Variants in PPTC7 observed in about 807,000 individuals in gnomAD.
PPTC7 encodes the protein protein phosphatase PTC7 homolog.
PPTC7 carries 6 observed loss-of-function variants against 30.8 expected under a neutral mutation model. The ratio of observed to expected loss-of-function variants is 0.19; its 90% CI spans 0.11 to 0.38. The LOEUF (loss-of-function observed/expected upper bound fraction) is 0.38, where lower values mean the gene tolerates loss of function less well. PPTC7 is among the 10% of genes least tolerant of loss of function. The probability of loss-of-function intolerance (pLI) is 1.00; values close to 1 mark genes in which losing one functional copy is unlikely to be tolerated. For missense variants in PPTC7, 218 were observed against 404.8 expected, an observed-to-expected ratio of 0.54 and a Z score of 3.96; for synonymous variants, 163 against 168.1, an observed-to-expected ratio of 0.97 and a Z score of 0.23.
intron 1 of PPTC7, among the ~76,000 whole-genome samples, chr12:110,559,191 T>C (rs2064416202): frequency 6.6e-6 from 1 of 151,864 alleles, no homozygotes; most frequent in African/African-American, 2.4e-5. Context: ...ACACAACTCA[T>C]TTTTTTAAAA....
chr12:110,556,971 G>A (rs544840750), intron 1 of PPTC7, among the ~76,000 whole-genome samples: 1 of 152,266 alleles, frequency 6.6e-6, no homozygotes, highest in South Asian at 2.1e-4. Flanking sequence ...TTCCACGGCA[G>A]GGAAGGATAA....
chr12:110,541,473 C>T (rs539666126), intron 3 of PPTC7, among the ~76,000 whole-genome samples: 4 of 151,974 alleles, frequency 2.6e-5, no homozygotes, highest in African/African-American at 9.7e-5. Context: ...TTTGGGAGGC[C>T]AAGGCGGGCG....
At chr12:110,545,816 G>A in intron 3 of PPTC7, 64 bp downstream of exon 3, 1 of 1,440,260 alleles carries the variant, frequency 6.9e-7, no homozygotes, top group South Asian at 1.1e-5. Context: ...ACTCAAGGGG[G>A]ACAGGAGGGG....
At chr12:110,565,474 T>C (rs1316265971) in intron 1 of PPTC7, among the ~76,000 whole-genome samples, 1 of 152,054 alleles carries the variant, frequency 6.6e-6, no homozygotes, top group Admixed American at 6.6e-5. Context: ...CAGGCTGGTC[T>C]TGAACTCCTG....
intron 1 of PPTC7, among the ~76,000 whole-genome samples, chr12:110,555,229 A>T (rs1351996052): frequency 6.6e-6 from 1 of 152,250 alleles, no homozygotes; most frequent in African/African-American, 2.4e-5. Flanking sequence ...AGAAGGCAAC[A>T]AATAGTGTAT....
intron 4 of PPTC7, among the ~76,000 whole-genome samples, chr12:110,538,869 A>G (rs879021042): frequency 6.6e-6 from 1 of 152,154 alleles, no homozygotes; most frequent in Non-Finnish European, 1.5e-5. Flanking sequence ...CAATCTATCT[A>G]AAGTAGTAGC....
chr12:110,568,092 C>T (rs2064500338), intron 1 of PPTC7, among the ~76,000 whole-genome samples: 1 of 151,796 alleles, frequency 6.6e-6, no homozygotes, highest in Admixed American at 6.6e-5. Flanking sequence ...AACACTGACC[C>T]CTATGCCGAC....
chr12:110,541,047 T>A (rs2064255317), intron 3 of PPTC7, among the ~76,000 whole-genome samples: 1 of 150,950 alleles, frequency 6.6e-6, no homozygotes, highest in Non-Finnish European at 1.5e-5. Flanking sequence ...AGTGCTGGGA[T>A]AACAGGCGTG....
intron 1 of PPTC7, among the ~76,000 whole-genome samples, chr12:110,566,933 G>A (rs2064489029): frequency 6.6e-6 from 1 of 152,156 alleles, no homozygotes. Flanking sequence ...TCCCCAGAAG[G>A]ACTCTGAAGT....
chr12:110,572,588 G>A (rs990670232), intron 1 of PPTC7, among the ~76,000 whole-genome samples: 9 of 152,086 alleles, frequency 5.9e-5, no homozygotes, highest in African/African-American at 2.2e-4. Flanking sequence ...AATAGTACTG[G>A]GCCCTTCAGC....
At chr12:110,552,938 T>A (rs912988648) in intron 1 of PPTC7, among the ~76,000 whole-genome samples, 1 of 151,350 alleles carries the variant, frequency 6.6e-6, no homozygotes, top group African/African-American at 2.4e-5. Context: ...TAAAATCTCT[T>A]TGGGAGGCTG....
rs531400185 is a variant in PPTC7, at chr12:110,551,862, G to A, written c.330C>T (p.Phe110=). 1.1e-5 allele frequency: 18 copies of A among 1,614,134 alleles called. No homozygotes were observed. Among genetic ancestry groups the A allele is most frequent in the African/African-American group, 6.7e-5 (5 of 75,046 alleles). ...GAATTCCAATGGGATTACTAGGTACGAACCGTCCTTCTTTTACTAAACGTT... is the reference window on the plus strand; with the variant it reads ...GAATTCCAATGGGATTACTAGGTACAAACCGTCCTTCTTTTACTAAACGTT... ...TCERLVKEGR[F]VPSNPIGILT... The change falls in exon 2 of 6, where the codon TTC becomes TTT. Residue 110 remains phenylalanine, a synonymous_variant. Coordinates refer to ENST00000354300, the MANE Select transcript of PPTC7 (RefSeq NM_139283.2).
chr12:110,553,209 G>A (rs1403520029), intron 1 of PPTC7, among the ~76,000 whole-genome samples: 5 of 146,512 alleles, frequency 3.4e-5, no homozygotes, highest in Non-Finnish European at 6.0e-5. Flanking sequence ...GAGCAGTGGC[G>A]TGATCTCGGC....
intron 1 of PPTC7, among the ~76,000 whole-genome samples, chr12:110,566,528 G>C (rs1423058043): frequency 6.6e-6 from 1 of 152,184 alleles, no homozygotes; most frequent in African/African-American, 2.4e-5. Context: ...GCCGGTGTGA[G>C]GAACGAGGAT....
At chr12:110,560,848 C>A (rs575128045) in intron 1 of PPTC7, among the ~76,000 whole-genome samples, 1 of 152,304 alleles carries the variant, frequency 6.6e-6, no homozygotes, top group Non-Finnish European at 1.5e-5. Context: ...GATCTCAAGG[C>A]ATCTTACATC....
chr12:110,566,228 TTAAC>T (rs2064482119), intron 1 of PPTC7, among the ~76,000 whole-genome samples: 1 of 152,192 alleles, frequency 6.6e-6, no homozygotes, highest in African/African-American at 2.4e-5. Flanking sequence ...AGTTTTTGTT[TTAAC>T]TAATAGTTAA....
rs116874629 is a variant in PPTC7, at chr12:110,560,381, G to A, written c.224-8413C>T. Among the ~76,000 whole-genome samples, 293 of 150,816 alleles carry A rather than the reference G, an allele frequency of 1.9e-3. 6 individuals carry two copies. Among genetic ancestry groups the A allele is most frequent in the East Asian group, 0.011 (58 of 5,134 alleles). On this transcript the variant is annotated intron_variant, in intron 1 of 5. Coordinates refer to ENST00000354300, the MANE Select transcript of PPTC7 (RefSeq NM_139283.2). ...ACACTACTTGCACTTCAGCCTGAGC[G>A]ACAGAGCGAGACCCTGTCTCAAAAA...
chr12:110,569,383 C>T (rs941766726), intron 1 of PPTC7, among the ~76,000 whole-genome samples: 6 of 151,948 alleles, frequency 3.9e-5, no homozygotes, highest in African/African-American at 9.7e-5. Flanking sequence ...AAAGAGAGGG[C>T]TGAGCTGATG....
In PPTC7 at chr12:110,533,259, A is replaced by G. The variant is rs1310466645; in HGVS notation, c.*3778T>C. ...AAGCACACAGATTAGTATAAATACT[A>G]TATTTATTAAATATCTTTACAGTTT... On this transcript the variant is annotated 3_prime_UTR_variant, in exon 6 of 6. Coordinates refer to ENST00000354300, the MANE Select transcript of PPTC7 (RefSeq NM_139283.2). 2.0e-5 allele frequency: 3 copies of G among 152,236 alleles called. No homozygotes were observed. The highest frequency in any genetic ancestry group is 7.2e-5 in the African/African-American group (3 of 41,458). The allele number at this position is 152,236 out of a possible 1,614,324, so 9.4% of individuals were successfully genotyped here. A position where few individuals can be genotyped will look rare whatever the true frequency, so the allele number is the denominator to read the frequency against.
Sources: gnomAD v4.1 joint callset for allele counts (sites outside exome capture counted in the v4.1 genomes callset) on GRCh38, gnomAD v4.1.1 for gene constraint, MANE v1.5 for transcripts, NCBI Gene and HGNC (gene_info 2026-07-23, HGNC 2026-07-21) for gene names.